The following RAPGEF2 variants were observed in gnomAD, a reference collection of about 807,000 sequenced individuals.
The protein encoded by RAPGEF2 is PDZ domain containing guanine nucleotide exchange factor (GEF) 1.
In RAPGEF2, 54 loss-of-function variants were observed where a neutral mutation model predicts 186.7. The ratio of observed to expected loss-of-function variants is 0.29; its 90% CI spans 0.23 to 0.36. The LOEUF (loss-of-function observed/expected upper bound fraction) is 0.36, where lower values mean the gene tolerates loss of function less well. Ranked by LOEUF, RAPGEF2 falls within the 10% of genes least tolerant of loss-of-function variation. The pLI is 1.00. For missense variants in RAPGEF2, 1,532 were observed against 2,045.0 expected (o/e 0.75, Z 4.84); for synonymous variants, 712 against 705.9 (o/e 1.01, Z -0.14).
intron 3 of RAPGEF2, among the ~76,000 whole-genome samples, chr4:159,209,590 C>G (rs1378566444): frequency 1.3e-5 from 2 of 152,172 alleles, no homozygotes; most frequent in Non-Finnish European, 2.9e-5. Flanking sequence ...CTGACATATC[C>G]TAAACATCCA....
intron 8 of RAPGEF2, among the ~76,000 whole-genome samples, chr4:159,308,258 C>G (rs914423332): frequency 6.6e-6 from 1 of 152,094 alleles, no homozygotes; most frequent in Non-Finnish European, 1.5e-5. Context: ...AGTGTCAAAG[C>G]TATTTGTTTC....
At chr4:159,336,916 G>C (rs138269246) in intron 17 of RAPGEF2, among the ~76,000 whole-genome samples, 90 of 152,276 alleles carry the variant, frequency 5.9e-4, no homozygotes, top group Non-Finnish European at 1.0e-3. Context: ...ATTTCAAGGT[G>C]TGTATAGAAA....
chr4:159,344,084 C>T, intron 23 of RAPGEF2, 25 bp downstream of exon 23: 5 of 1,524,370 alleles, frequency 3.3e-6, no homozygotes, highest in South Asian at 2.2e-5. Context: ...CCTTGCATAC[C>T]CACACACAGT....
At chr4:159,219,694 T>C (rs1360123815) in intron 4 of RAPGEF2, among the ~76,000 whole-genome samples, 3 of 152,184 alleles carry the variant, frequency 2.0e-5, no homozygotes, top group Non-Finnish European at 4.4e-5. Context: ...AAAAGGATTA[T>C]TAAAAGTTAT....
At chr4:159,270,871 T>A (rs1758041964) in intron 7 of RAPGEF2, among the ~76,000 whole-genome samples, 1 of 152,224 alleles carries the variant, frequency 6.6e-6, no homozygotes, top group Non-Finnish European at 1.5e-5. Flanking sequence ...CACTGGGCTG[T>A]GTTTTTATAG....
chr4:159,289,219 A>T (rs1475875829), intron 7 of RAPGEF2, among the ~76,000 whole-genome samples: 1 of 152,154 alleles, frequency 6.6e-6, no homozygotes, highest in African/African-American at 2.4e-5. Context: ...ACAGGATGTC[A>T]GTAAATACTT....
chr4:159,183,508 G>A (rs983489642), intron 1 of RAPGEF2, among the ~76,000 whole-genome samples: 1 of 152,082 alleles, frequency 6.6e-6, no homozygotes, highest in Non-Finnish European at 1.5e-5. Context: ...ATTAGGTAAT[G>A]GTTTCTTAAA....
At chr4:159,210,609 A>T (rs766156310) in intron 4 of RAPGEF2, 26 bp downstream of exon 4, 2 of 1,446,510 alleles carry the variant, frequency 1.4e-6, no homozygotes, top group Admixed American at 2.0e-5. Flanking sequence ...TCTGTAATAG[A>T]TTATCCATGA....
At chr4:159,135,218 A>AT (rs934099858) in intron 1 of RAPGEF2, among the ~76,000 whole-genome samples, 8 of 151,276 alleles carry the variant, frequency 5.3e-5, no homozygotes, top group East Asian at 3.9e-4. Flanking sequence ...TAATTTTTAT[A>AT]TTTTTTTTGT....
At chr4:159,347,054 A>C in intron 25 of RAPGEF2, 56 bp downstream of exon 25, 2 of 1,462,292 alleles carry the variant, frequency 1.4e-6, no homozygotes, top group Non-Finnish European at 1.9e-6. Flanking sequence ...TGGTTTGCAA[A>C]TTAGGAAAAA....
At chr4:159,191,862 C>T (rs977497960) in intron 2 of RAPGEF2, among the ~76,000 whole-genome samples, 9 of 152,112 alleles carry the variant, frequency 5.9e-5, no homozygotes, top group African/African-American at 2.2e-4. Flanking sequence ...GAGTTCCGCC[C>T]ACACGATAGG....
At chr4:159,298,311 T>G (rs941259082) in intron 7 of RAPGEF2, among the ~76,000 whole-genome samples, 2 of 152,208 alleles carry the variant, frequency 1.3e-5, no homozygotes, top group African/African-American at 4.8e-5. Flanking sequence ...AATACTGATC[T>G]GATATATGAA....
intron 9 of RAPGEF2, among the ~76,000 whole-genome samples, chr4:159,316,080 G>GAA (rs1263647341): frequency 5.1e-4 from 77 of 152,236 alleles, no homozygotes; most frequent in East Asian, 2.1e-3. Flanking sequence ...CCTGGCAACG[G>GAA]GCATCTTCCC....
chr4:159,109,608 T>A (rs1472463709), intron 1 of RAPGEF2, among the ~76,000 whole-genome samples: 1 of 152,230 alleles, frequency 6.6e-6, no homozygotes, highest in African/African-American at 2.4e-5. Flanking sequence ...GAAATGTGTG[T>A]CCCTCAAGTA....
At position 159,331,738 on chromosome 4, in the gene RAPGEF2, T is replaced by G. The variant is rs746678323; in HGVS notation, c.1684T>G (p.Leu562Val). Residue 562 changes from leucine to valine, a missense_variant, in exon 15 of 30, where the codon TTA (leucine) becomes GTA (valine). Leu to Val is a conservative substitution (Grantham distance 32). Transcript: ENST00000691494. ...PSREAPLPFILLGGSEKGFGI... is the reference protein window; with the variant it reads ...PSREAPLPFIVLGGSEKGFGI... Reference sequence around the variant, plus strand: ...CCGAGAAGCTCCTTTGCCTTTTATCTTACTTGGAGGCTCTGAGAAGGGATT... The same window carrying G: ...CCGAGAAGCTCCTTTGCCTTTTATCGTACTTGGAGGCTCTGAGAAGGGATT... 9 of 1,614,128 alleles carry G rather than the reference T, an allele frequency of 5.6e-6. No individual in the cohort carries two copies. Among genetic ancestry groups the G allele is most frequent in the Non-Finnish European group, 7.6e-6 (9 of 1,180,006 alleles).
chr4:159,268,103 G>T, intron 7 of RAPGEF2: 2 of 1,591,726 alleles, frequency 1.3e-6, no homozygotes, highest in Non-Finnish European at 1.7e-6. Context: ...ACTTGCCATC[G>T]TGAGAGATTG....
At chr4:159,282,519 G>A (rs917941326) in intron 7 of RAPGEF2, 15 of 342,732 alleles carry the variant, frequency 4.4e-5, no homozygotes, top group East Asian at 3.7e-4. Flanking sequence ...GCAATCTGAC[G>A]TCTTTAGAGG....
At chr4:159,109,916 G>T (rs1363437081) in intron 1 of RAPGEF2, among the ~76,000 whole-genome samples, 1 of 152,144 alleles carries the variant, frequency 6.6e-6, no homozygotes, top group African/African-American at 2.4e-5. Context: ...CTCATGGTTT[G>T]TGAGGGTAGT....
chr4:159,114,718 T>A (rs1425722927), intron 1 of RAPGEF2, among the ~76,000 whole-genome samples: 2 of 152,116 alleles, frequency 1.3e-5, no homozygotes, highest in East Asian at 3.9e-4. Context: ...AATAGAAAAA[T>A]TGTGGTAGTA....
Sources: gnomAD v4.1 joint callset for allele counts (sites outside exome capture counted in the v4.1 genomes callset) on GRCh38, gnomAD v4.1.1 for gene constraint, MANE v1.5 for transcripts, NCBI Gene and HGNC (gene_info 2026-07-23, HGNC 2026-07-21) for gene names.